Variants in ERBB4 observed in about 807,000 individuals in gnomAD.
ERBB4 encodes the protein erb-b2 receptor tyrosine kinase 4.
In ERBB4, 42 loss-of-function variants were observed where a neutral mutation model predicts 158.0. That is an observed-to-expected ratio of 0.27 (90% CI 0.21 to 0.34). The LOEUF (loss-of-function observed/expected upper bound fraction) is 0.34. Ranked by LOEUF, ERBB4 falls within the 10% of genes least tolerant of loss-of-function variation. The probability of loss-of-function intolerance (pLI) is 1.00; values close to 1 mark genes in which losing one functional copy is unlikely to be tolerated. For missense variants in ERBB4, 1,333 were observed against 1,624.1 expected (o/e 0.82, Z 3.08); for synonymous variants, 583 against 558.7 (o/e 1.04, Z -0.61).
chr2:211,803,464 T>G (rs1344401868), intron 3 of ERBB4, among the ~76,000 whole-genome samples: 2 of 152,242 alleles, frequency 1.3e-5, no homozygotes, highest in East Asian at 3.9e-4. Context: ...GGTATTTGGT[T>G]TTAATGGGTA....
At chr2:212,011,672 C>A (rs955407952) in intron 2 of ERBB4, among the ~76,000 whole-genome samples, 3 of 151,922 alleles carry the variant, frequency 2.0e-5, no homozygotes, top group Non-Finnish European at 4.4e-5. Flanking sequence ...ACTGCTCGAA[C>A]CCAGGAGGCA....
intron 1 of ERBB4, among the ~76,000 whole-genome samples, chr2:212,206,946 C>G (rs1462809220): frequency 6.7e-6 from 1 of 149,150 alleles, no homozygotes; most frequent in African/African-American, 2.5e-5. Flanking sequence ...CCATAAGTAG[C>G]ATGATCAATT....
intron 1 of ERBB4, among the ~76,000 whole-genome samples, chr2:212,317,705 C>T (rs919793702): frequency 1.3e-4 from 19 of 151,426 alleles, no homozygotes; most frequent in Non-Finnish European, 2.2e-4. Flanking sequence ...AGATGAAGGA[C>T]TTAAGATCAA....
chr2:211,862,092 A>C (rs2078071094), intron 3 of ERBB4, among the ~76,000 whole-genome samples: 1 of 152,228 alleles, frequency 6.6e-6, no homozygotes, highest in Admixed American at 6.5e-5. Flanking sequence ...ATTTAAAGAC[A>C]CAGATAAAAG....
At chr2:211,782,430 GTCAGCTCAGC>G (rs71956060) in intron 4 of ERBB4, among the ~76,000 whole-genome samples, 1,638 of 150,734 alleles carry the variant, frequency 0.011, 12 homozygotes, top group South Asian at 0.029. Flanking sequence ...CAGCTTAGCT[GTCAGCTCAGC>G]TCAGCTCAGC....
chr2:211,743,442 G>C (rs73085042), intron 5 of ERBB4, among the ~76,000 whole-genome samples: 1 of 152,304 alleles, frequency 6.6e-6, no homozygotes, highest in African/African-American at 2.4e-5. Context: ...AGACTGGAGA[G>C]AGCTGGCCTG....
chr2:212,169,947 G>A (rs555313721), intron 1 of ERBB4, among the ~76,000 whole-genome samples: 1 of 152,220 alleles, frequency 6.6e-6, no homozygotes. Flanking sequence ...AAATTACCCA[G>A]TCTCAGGTAT....
intron 20 of ERBB4, among the ~76,000 whole-genome samples, chr2:211,487,402 A>G (rs916475913): frequency 6.6e-6 from 1 of 152,124 alleles, no homozygotes; most frequent in Non-Finnish European, 1.5e-5. Context: ...TGTAATCACT[A>G]CATAATTATT....
At chr2:211,861,411 G>A (rs1188845959) in intron 3 of ERBB4, among the ~76,000 whole-genome samples, 5 of 137,128 alleles carry the variant, frequency 3.6e-5, no homozygotes, top group African/African-American at 8.2e-5. Context: ...GCCTAGGCTA[G>A]TCTCAAACTC....
intron 1 of ERBB4, among the ~76,000 whole-genome samples, chr2:212,383,206 G>A (rs548450402): frequency 8.6e-5 from 13 of 151,376 alleles, no homozygotes; most frequent in Admixed American, 2.6e-4. Flanking sequence ...AAGACCTAAC[G>A]TATTTCTTTT....
At chr2:211,464,699 C>T (rs758707981) in intron 20 of ERBB4, among the ~76,000 whole-genome samples, 1 of 151,962 alleles carries the variant, frequency 6.6e-6, no homozygotes, top group Non-Finnish European at 1.5e-5. Flanking sequence ...TTGAGAAAAG[C>T]TTTTTTTATA....
intron 8 of ERBB4, among the ~76,000 whole-genome samples, chr2:211,712,726 T>C (rs530973837): frequency 2.6e-4 from 40 of 151,878 alleles, no homozygotes; most frequent in African/African-American, 9.4e-4. Flanking sequence ...TTGAACATGC[T>C]TTCTGAAGCT....
intron 1 of ERBB4, among the ~76,000 whole-genome samples, chr2:212,531,213 C>T (rs1412210325): frequency 2.6e-5 from 4 of 152,094 alleles, no homozygotes; most frequent in Non-Finnish European, 5.9e-5. Flanking sequence ...AAGTTTCAAA[C>T]TTCCCTTCTT....
intron 2 of ERBB4, among the ~76,000 whole-genome samples, chr2:212,053,291 T>G (rs951884157): frequency 6.6e-6 from 1 of 152,168 alleles, no homozygotes; most frequent in Non-Finnish European, 1.5e-5. Context: ...GTTTTCCAAA[T>G]AATAAATCAG....
At chr2:212,367,292 G>C (rs2089925119) in intron 1 of ERBB4, among the ~76,000 whole-genome samples, 1 of 151,998 alleles carries the variant, frequency 6.6e-6, no homozygotes. Flanking sequence ...GGCAGGCCTA[G>C]AAAACTCTTA....
In ERBB4 at chr2:211,721,620, CATATATAT is replaced by C. The variant is rs71054137; in HGVS notation, c.883+765_883+772del. 1.3e-3 allele frequency among the ~76,000 whole-genome samples: 171 copies of C among 131,840 alleles called. 3 individuals are homozygous for C. The South Asian group carries it at 0.014, about 11-fold the overall frequency. The allele number at this position is 131,840 out of a possible 152,430, so 86.5% of individuals were successfully genotyped here. The stretch of plus-strand genomic sequence containing the variant: ...TATTTAAGGTTAATTTGCTATTAAA[CATATATAT>C]ATATATATATATATATACATGTTTT... On this transcript the variant is annotated intron_variant, in intron 7 of 27. Transcript: ENST00000342788.
At chr2:212,138,362 C>A (rs1380926820) in intron 1 of ERBB4, among the ~76,000 whole-genome samples, 1 of 152,124 alleles carries the variant, frequency 6.6e-6, no homozygotes, top group African/African-American at 2.4e-5. Context: ...AAATATCATA[C>A]CTTATGCTGT....
intron 12 of ERBB4, among the ~76,000 whole-genome samples, chr2:211,688,724 A>C (rs1056544389): frequency 2.0e-5 from 3 of 152,300 alleles, no homozygotes; most frequent in African/African-American, 7.2e-5. Context: ...TGATCCAAAA[A>C]AGCTGCTAAG....
At chr2:211,932,267 C>T (rs2080198522) in intron 3 of ERBB4, among the ~76,000 whole-genome samples, 1 of 152,018 alleles carries the variant, frequency 6.6e-6, no homozygotes, top group Admixed American at 6.6e-5. Flanking sequence ...GTTTTTATCA[C>T]TTTGCCCTTC....
Sources: allele counts gnomAD v4.1 joint callset (sites outside exome capture counted in the v4.1 genomes callset), GRCh38; gene constraint gnomAD v4.1.1; transcripts MANE v1.5; gene names NCBI Gene and HGNC (gene_info 2026-07-23, HGNC 2026-07-21).